VHL: variants seen among roughly 807,000 people sequenced by gnomAD.
The protein encoded by VHL is von Hippel-Lindau tumor suppressor, also known as von Hippel-Lindau disease tumor suppressor.
VHL carries 10 observed loss-of-function variants against 19.2 expected under a neutral mutation model. The ratio of observed to expected loss-of-function variants is 0.52; its 90% CI spans 0.32 to 0.89. The LOEUF is 0.89. Ranked by LOEUF, VHL falls within the 40% of genes least tolerant of loss-of-function variation. The probability of loss-of-function intolerance (pLI) is 0.03; values close to 1 mark genes in which losing one functional copy is unlikely to be tolerated. For synonymous variants in VHL, 167 were observed against 129.5 expected (o/e 1.29, Z -1.97); for missense variants, 328 against 292.7 (o/e 1.12, Z -0.88).
intron 2 of VHL, among the ~76,000 whole-genome samples, chr3:10,147,262 C>T (rs895008899): frequency 8.6e-5 from 13 of 151,936 alleles, no homozygotes; most frequent in East Asian, 5.8e-4. Context: ...TGCCCGCCTA[C>T]GCCTCCCAAA....
rs193922608 is a variant in VHL at position 10,142,089 on chromosome 3, C to A, written c.242C>A (p.Pro81Gln). ...CAGGTCATCTTCTGCAATCGCAGTCCGCGCGTCGTGCTGCCCGTATGGCTC... is the reference window on the plus strand; with the variant it reads ...CAGGTCATCTTCTGCAATCGCAGTCAGCGCGTCGTGCTGCCCGTATGGCTC... Reference protein sequence around the residue: ...PSQVIFCNRSPRVVLPVWLNF... With the variant: ...PSQVIFCNRSQRVVLPVWLNF... The change falls in exon 1 of 3, where the codon CCG (proline) becomes CAG (glutamine). Residue 81 changes from proline to glutamine, a missense_variant. Pro to Gln is a moderately conservative substitution (Grantham distance 76). Transcript: ENST00000256474. 6.2e-7 allele frequency: 1 copy of A among 1,605,116 alleles called. No homozygotes were observed.
intron 1 of VHL, among the ~76,000 whole-genome samples, 154 bp downstream of exon 1, chr3:10,142,341 C>CTTTTTTTTTTTTTTTTTTTTTTTTTTT (rs556405301): frequency 9.3e-6 from 1 of 107,960 alleles, no homozygotes; most frequent in Non-Finnish European, 1.7e-5. Context: ...TCAGAGCATT[C>CTTTTTTTTTTTTTTTTTTTTTTTTTTT]TTTTTTTTTT....
Position 10,150,253 on chromosome 3 carries a change from A to G in VHL, c.*288A>G. 7.6e-7 allele frequency: 1 copy of G among 1,320,780 alleles called. No individual in the cohort carries two copies. The highest frequency in any genetic ancestry group is 9.7e-7 in the Non-Finnish European group (1 of 1,027,604). The allele number at this position is 1,320,780 out of a possible 1,614,324, so 81.8% of individuals were successfully genotyped here. ...AAGTCAGGACAGCTTGTATGTAAGG[A>G]GGTTTGTATAAGTAATTCAGTGGGA... On this transcript the variant is annotated 3_prime_UTR_variant, in exon 3 of 3. Coordinates refer to ENST00000256474, the MANE Select transcript of VHL (RefSeq NM_000551.4).
intron 1 of VHL, 110 bp downstream of exon 1, chr3:10,142,297 C>A: frequency 8.4e-7 from 1 of 1,186,944 alleles, no homozygotes; most frequent in Non-Finnish European, 1.2e-6. Flanking sequence ...CCCCTTGAGG[C>A]AGGACACATC....
At chr3:10,145,062 T>G (rs998612319) in intron 1 of VHL, among the ~76,000 whole-genome samples, 5 of 152,086 alleles carry the variant, frequency 3.3e-5, no homozygotes, top group Non-Finnish European at 2.9e-5. Flanking sequence ...TGTGGTGGCA[T>G]GCGCCTGTTT....
At chr3:10,145,970 C>G (rs1056462369) in intron 1 of VHL, among the ~76,000 whole-genome samples, 1 of 147,966 alleles carries the variant, frequency 6.8e-6, no homozygotes. Context: ...AGTACGCGCT[C>G]TTTGCTTACT....
Position 10,151,417 on chromosome 3 carries a change from A to T in VHL, c.*1452A>T, listed in dbSNP as rs552760935. On this transcript the variant is annotated 3_prime_UTR_variant, in exon 3 of 3. Coordinates refer to ENST00000256474, the MANE Select transcript of VHL (RefSeq NM_000551.4). Reference sequence around the variant, plus strand: ...TCTACTCCTTCCCTAATAGCTTTTTAAAAAAATCTCCCCAGTAGAGAAACA... The same window carrying T: ...TCTACTCCTTCCCTAATAGCTTTTTTAAAAAATCTCCCCAGTAGAGAAACA... 9.9e-5 allele frequency: 22 copies of T among 221,782 alleles called. No individual in the cohort carries two copies. In the South Asian group the frequency reaches 1.7e-3, roughly 17 times the overall value. The allele number at this position is 221,782 out of a possible 1,614,324, so 13.7% of individuals were successfully genotyped here.
chr3:10,143,502 C>G (rs1696179027), intron 1 of VHL, among the ~76,000 whole-genome samples: 1 of 152,128 alleles, frequency 6.6e-6, no homozygotes, highest in Admixed American at 6.6e-5. Flanking sequence ...GACTGGAGTG[C>G]TGTTGCACAA....
chr3:10,144,015 G>C (rs1696192026), intron 1 of VHL, among the ~76,000 whole-genome samples: 1 of 152,152 alleles, frequency 6.6e-6, no homozygotes, highest in Non-Finnish European at 1.5e-5. Context: ...CTTCCTTGAG[G>C]GTGGTGTACT....
rs1696122809 is a variant in VHL at position 10,141,971 on chromosome 3, G to C, written c.124G>C (p.Glu42Gln). The change falls in exon 1 of 3, where the codon GAG becomes CAG. Residue 42 changes from glutamate to glutamine, a missense_variant. Coordinates refer to ENST00000256474, the MANE Select transcript of VHL (RefSeq NM_000551.4). ...GGGCGCCGAGGAGTCCGGCCCGGAAGAGTCCGGCCCGGAGGAACTGGGCGC... is the reference window on the plus strand; with the variant it reads ...GGGCGCCGAGGAGTCCGGCCCGGAACAGTCCGGCCCGGAGGAACTGGGCGC... ...ESGAEESGPE[E>Q]SGPEELGAEE... 6.4e-7 allele frequency: 1 copy of C among 1,558,258 alleles called. No individual in the cohort carries two copies. Among genetic ancestry groups the C allele is most frequent in the Non-Finnish European group, 8.7e-7 (1 of 1,152,388 alleles).
rs1450347414 is a variant in VHL at position 10,142,387 on chromosome 3, C to T, written c.340+200C>T. ...CTGAGACGGAGTCTCGCTCTGTCGCCCAGGCTGGAGTGCAGTGGCGCGATC... is the reference window on the plus strand; with the variant it reads ...CTGAGACGGAGTCTCGCTCTGTCGCTCAGGCTGGAGTGCAGTGGCGCGATC... On this transcript the variant is annotated intron_variant, in intron 1 of 2. Coordinates refer to ENST00000256474, the MANE Select transcript of VHL (RefSeq NM_000551.4). Among the ~76,000 whole-genome samples the T allele has an allele frequency of 2.7e-5, 4 of 147,424 alleles. No homozygotes were observed. The East Asian group carries it at 6.0e-4, about 22-fold the overall frequency.
At position 10,153,614 on chromosome 3, in the gene VHL, T is replaced by G. The variant is rs149915954; in HGVS notation, c.*3649T>G. The stretch of plus-strand genomic sequence containing the variant: ...TTCCTATTTCAAGTTTTTTTTTTTT[T>G]TTTTTTTTTTAAAGCTGTTTTTTAA... On this transcript the variant is annotated 3_prime_UTR_variant, in exon 3 of 3. Transcript: ENST00000256474. Among the ~76,000 whole-genome samples, 128,467 of 151,290 alleles carry G rather than the reference T, an allele frequency of 0.85. 54,660 individuals carry two copies. The highest frequency in any genetic ancestry group is 0.89 in the East Asian group (4,549 of 5,136).
At chr3:10,146,458 G>A (rs1277620415) in intron 1 of VHL, 56 bp from the exon 2 acceptor site, 6 of 1,607,694 alleles carry the variant, frequency 3.7e-6, no homozygotes, top group Non-Finnish European at 5.1e-6. Flanking sequence ...ACAGGTGTGG[G>A]CCACCGTGCC....
intron 2 of VHL, among the ~76,000 whole-genome samples, chr3:10,149,302 C>T (rs1223049899): frequency 1.5e-4 from 22 of 151,414 alleles, no homozygotes; most frequent in Admixed American, 1.2e-3. Flanking sequence ...TTTGTAGAGA[C>T]GGGGTTTCGC....
intron 2 of VHL, among the ~76,000 whole-genome samples, chr3:10,148,089 C>T (rs1041583713): frequency 6.7e-6 from 1 of 150,224 alleles, no homozygotes; most frequent in Non-Finnish European, 1.5e-5. Context: ...GAGTGAGATC[C>T]TGTCTCAAAA....
chr3:10,145,630 T>TG (rs1442401554), intron 1 of VHL, among the ~76,000 whole-genome samples: 1 of 145,550 alleles, frequency 6.9e-6, no homozygotes, highest in African/African-American at 2.6e-5. Context: ...GGCATAAACC[T>TG]GGGAGGCGGA....
chr3:10,149,144 A>C (rs560141241), intron 2 of VHL, among the ~76,000 whole-genome samples: 3 of 130,538 alleles, frequency 2.3e-5, no homozygotes, highest in African/African-American at 3.0e-5. Context: ...ATAGGGTCTC[A>C]CTCTGTCACC....
intron 2 of VHL, among the ~76,000 whole-genome samples, chr3:10,149,542 A>T (rs1424539230): frequency 1.3e-5 from 2 of 152,194 alleles, no homozygotes; most frequent in South Asian, 4.1e-4. Context: ...ATCCACATTC[A>T]GTTAGTTAAA....
intron 2 of VHL, among the ~76,000 whole-genome samples, chr3:10,147,149 C>G (rs1229459684): frequency 3.3e-5 from 5 of 151,498 alleles, no homozygotes; most frequent in African/African-American, 1.2e-4. Flanking sequence ...GTAGCTGGGA[C>G]TACAGGCGTG....
Sources: gnomAD v4.1 joint callset for allele counts (sites outside exome capture counted in the v4.1 genomes callset) on GRCh38, gnomAD v4.1.1 for gene constraint, MANE v1.5 for transcripts, NCBI Gene and HGNC (gene_info 2026-07-23, HGNC 2026-07-21) for gene names.